The following ZNF638 variants were observed in gnomAD, a reference collection of about 807,000 sequenced individuals.
ZNF638 encodes the protein zinc finger protein 638, also known as CTCL tumor antigen se33-1.
ZNF638 carries 46 observed loss-of-function variants against 195.6 expected under a neutral mutation model. That is an observed-to-expected ratio of 0.24 (90% confidence interval 0.19 to 0.30). The LOEUF (loss-of-function observed/expected upper bound fraction) is 0.30. Among genes scored for constraint, ZNF638 ranks in the 10% least tolerant of loss-of-function variants. The probability of loss-of-function intolerance (pLI) is 1.00; values close to 1 mark genes in which losing one functional copy is unlikely to be tolerated. For missense variants in ZNF638, 2,440 were observed against 2,325.3 expected (o/e 1.05, Z -1.01); for synonymous variants, 845 against 772.0 (o/e 1.09, Z -1.57).
intron 24 of ZNF638, among the ~76,000 whole-genome samples, chr2:71,427,723 A>G (rs1195725291): frequency 6.6e-6 from 1 of 152,218 alleles, no homozygotes; most frequent in Non-Finnish European, 1.5e-5. Context: ...GAAAAAGACA[A>G]CTTTTGATAA....
intron 25 of ZNF638, 71 bp downstream of exon 25, chr2:71,428,722 A>G (rs971741856): frequency 6.7e-6 from 9 of 1,339,612 alleles, no homozygotes; most frequent in Admixed American, 4.2e-5. Flanking sequence ...TTAAAGATCT[A>G]TCTAAGAAGA....
In ZNF638 at chr2:71,424,693, G is replaced by A. The variant is rs753855788; in HGVS notation, c.4568G>A (p.Gly1523Asp). The A allele has an allele frequency of 6.2e-5, 100 of 1,613,164 alleles. No individual in the cohort carries two copies. The highest frequency in any genetic ancestry group is 8.3e-5 in the Non-Finnish European group (98 of 1,179,650). Reference protein sequence around the residue: ...QNTKNPKSTTGRSSKSKEEPL... With the variant: ...QNTKNPKSTTDRSSKSKEEPL... Reference sequence around the variant, plus strand: ...ACTAAGAATCCTAAAAGCACTACTGGTAGAAGTTCCAAATCTAAAGAGGTA... The same window carrying A: ...ACTAAGAATCCTAAAAGCACTACTGATAGAAGTTCCAAATCTAAAGAGGTA... Residue 1523 changes from glycine (G) to aspartate (D), a missense_variant, in exon 23 of 28, where the codon GGT becomes GAT. This residue lies in a region of ZNF638 where 1,883 missense variants were observed against 1,739.1 expected (regional missense o/e 1.08). Coordinates refer to ENST00000264447, the MANE Select transcript of ZNF638 (RefSeq NM_014497.5).
At position 71,339,953 on chromosome 2, in the gene ZNF638, G is replaced by A. The variant is rs556704311; in HGVS notation, c.-203+8078G>A. 2.6e-5 allele frequency among the ~76,000 whole-genome samples: 4 copies of A among 152,206 alleles called. No individual in the cohort carries two copies. The East Asian group carries it at 7.7e-4, about 29-fold the overall frequency. On this transcript the variant is annotated intron_variant, in intron 1 of 27. Coordinates refer to ENST00000264447, the MANE Select transcript of ZNF638 (RefSeq NM_014497.5). ...GCCTGTTTACGTATGCAGGTCACATGCTCCTAAGAAATAAAAAGGTATATC... is the reference window on the plus strand; with the variant it reads ...GCCTGTTTACGTATGCAGGTCACATACTCCTAAGAAATAAAAAGGTATATC...
At chr2:71,354,647 G>T (rs1246131086) in intron 2 of ZNF638, among the ~76,000 whole-genome samples, 2 of 151,214 alleles carry the variant, frequency 1.3e-5, no homozygotes, top group Admixed American at 6.6e-5. Context: ...TGAGGCAGGA[G>T]AATCACTTGA....
chr2:71,337,770 A>C (rs1208382572), intron 1 of ZNF638, among the ~76,000 whole-genome samples: 2 of 122,274 alleles, frequency 1.6e-5, no homozygotes, highest in African/African-American at 5.7e-5. Context: ...TGTTTTTTAT[A>C]GCAGTTTTTT....
chr2:71,417,680 A>G (rs1404568022), intron 20 of ZNF638, among the ~76,000 whole-genome samples: 1 of 149,802 alleles, frequency 6.7e-6, no homozygotes, highest in Non-Finnish European at 1.5e-5. Context: ...TTTTCTCTCT[A>G]ATAAACTTTT....
chr2:71,406,622 G>A (rs1044749258), intron 19 of ZNF638, among the ~76,000 whole-genome samples: 4 of 152,030 alleles, frequency 2.6e-5, no homozygotes, highest in Admixed American at 2.0e-4. Flanking sequence ...AAATGAAAGG[G>A]GTATTACCCA....
intron 9 of ZNF638, 102 bp downstream of exon 9, chr2:71,380,382 C>T (rs989397328): frequency 8.1e-6 from 9 of 1,113,302 alleles, no homozygotes; most frequent in Non-Finnish European, 1.1e-5. Flanking sequence ...ATCACTATAA[C>T]TATAGTTTAA....
intron 8 of ZNF638, among the ~76,000 whole-genome samples, chr2:71,373,586 AGGT>A (rs1438038747): frequency 6.6e-6 from 1 of 151,500 alleles, no homozygotes; most frequent in Admixed American, 6.6e-5. Context: ...CTGGGACTAC[AGGT>A]GCTCGCCACT....
At chr2:71,382,276 A>G (rs151074657) in intron 10 of ZNF638, among the ~76,000 whole-genome samples, 7 of 152,290 alleles carry the variant, frequency 4.6e-5, no homozygotes, top group Admixed American at 6.5e-5. Context: ...TCAGCCAATC[A>G]TATGGCATTG....
chr2:71,400,068 T>C (rs1268514379), intron 13 of ZNF638, 44 bp from the exon 14 acceptor site: 6 of 1,462,710 alleles, frequency 4.1e-6, no homozygotes, highest in Admixed American at 2.1e-5. Flanking sequence ...AGTTTAATTA[T>C]ATTAGTGTTT....
At chr2:71,376,358 CCTT>C (rs1358767758) in intron 8 of ZNF638, 3 of 152,064 alleles carry the variant, frequency 2.0e-5, no homozygotes, top group Admixed American at 1.3e-4. Context: ...TTGAGTTGTG[CCTT>C]CTTCATATTG....
Position 71,405,162 on chromosome 2 carries a change from T to G in ZNF638, c.2959-439T>G, listed in dbSNP as rs149842039. Among the ~76,000 whole-genome samples the G allele has an allele frequency of 2.4e-3, 365 of 152,342 alleles. 1 individual carries two copies. Among genetic ancestry groups the G allele is most frequent in the African/African-American group, 8.5e-3 (353 of 41,592 alleles). ...CTGCTTTGATATCCTTGTTCCCTGATGTTCTTGGCCTCTTCATAATTCAGT... is the reference window on the plus strand; with the variant it reads ...CTGCTTTGATATCCTTGTTCCCTGAGGTTCTTGGCCTCTTCATAATTCAGT... On this transcript the variant is annotated intron_variant, in intron 17 of 27. Transcript: ENST00000264447.
chr2:71,369,918 T>C lies in ZNF638; in HGVS notation c.2178T>C (p.Thr726=), dbSNP rs2079278312. The change falls in exon 8 of 28, where the codon ACT becomes ACC. Residue 726 remains threonine, a synonymous_variant. Transcript: ENST00000264447. Reference sequence around the variant, plus strand: ...AAATGGAATTTAAAGAGGCAATTACTGCAATTATGAAGTACATTGAAACAA... The same window carrying C: ...AAATGGAATTTAAAGAGGCAATTACCGCAATTATGAAGTACATTGAAACAA... ...YLEMEFKEAI[T]AIMKYIETTP... 6.3e-7 allele frequency: 1 copy of C among 1,593,530 alleles called. No individual in the cohort carries two copies. Among genetic ancestry groups the C allele is most frequent in the African/African-American group, 1.4e-5 (1 of 73,720 alleles).
intron 1 of ZNF638, among the ~76,000 whole-genome samples, chr2:71,345,581 C>T (rs574467472): frequency 6.6e-6 from 1 of 152,192 alleles, no homozygotes; most frequent in South Asian, 2.1e-4. Context: ...GAGGTCTCAC[C>T]ATGTTGCCCA....
At chr2:71,431,498 G>T in intron 26 of ZNF638, 70 bp downstream of exon 26, 1 of 1,380,470 alleles carries the variant, frequency 7.2e-7, no homozygotes, top group Non-Finnish European at 1.0e-6. Context: ...GGTGGCTCAA[G>T]CCTGTAATCC....
rs1172153973 is a variant in ZNF638, at chr2:71,349,931, C to T, written c.977C>T (p.Ser326Phe). ...ACAGTTAGCCAGACAATGAGTCAAT[C>T]TCTGATTCCTCCATCTATGAACCAG... ...NQTVSQTMSQ[S>F]LIPPSMNQQP... The change falls in exon 2 of 28, where the codon TCT (serine) becomes TTT (phenylalanine). Residue 326 changes from serine to phenylalanine, a missense_variant. Around this residue, in one of 5 missense-constraint regions of ZNF638, gnomAD observed 305 missense variants for 283.6 expected, o/e 1.08. Coordinates refer to ENST00000264447, the MANE Select transcript of ZNF638 (RefSeq NM_014497.5). The T allele has an allele frequency of 6.2e-7, 1 of 1,614,222 alleles. No individual in the cohort carries two copies. Among genetic ancestry groups the T allele is most frequent in the Admixed American group, 1.7e-5 (1 of 60,018 alleles).
chr2:71,376,773 C>T (rs1348624043), intron 8 of ZNF638, among the ~76,000 whole-genome samples: 1 of 152,126 alleles, frequency 6.6e-6, no homozygotes, highest in African/African-American at 2.4e-5. Context: ...TTGTCAGAAA[C>T]TAGGTAACTT....
intron 25 of ZNF638, 198 bp from the exon 26 acceptor site, chr2:71,431,128 TC>T (rs2080649260): frequency 2.0e-6 from 1 of 512,112 alleles, no homozygotes; most frequent in African/African-American, 1.9e-5. Flanking sequence ...AGACCTATAT[TC>T]CTAAATCCAT....
Sources: allele counts gnomAD v4.1 joint callset (sites outside exome capture counted in the v4.1 genomes callset), GRCh38; gene constraint gnomAD v4.1.1; regional missense constraint gnomAD v4.1.1; transcripts MANE v1.5; gene names NCBI Gene and HGNC (gene_info 2026-07-23, HGNC 2026-07-21).